FBRSL1: variants seen among roughly 807,000 people sequenced by gnomAD.
FBRSL1 encodes the protein fibrosin like 1.
FBRSL1 carries 51 observed loss-of-function variants against 89.6 expected under a neutral mutation model. That is an observed-to-expected ratio of 0.57 (90% CI 0.45 to 0.72). The LOEUF (loss-of-function observed/expected upper bound fraction) is 0.72, where lower values mean the gene tolerates loss of function less well. FBRSL1 is among the 30% of genes least tolerant of loss of function. FBRSL1 has a pLI of 0.00. For synonymous variants in FBRSL1, 779 were observed against 681.1 expected, an observed-to-expected ratio of 1.14 and a Z score of -2.24; for missense variants, 1,618 against 1,451.8, an observed-to-expected ratio of 1.11 and a Z score of -1.86.
At chr12:132,512,788 G>T (rs2034484648) in intron 2 of FBRSL1, among the ~76,000 whole-genome samples, 1 of 152,242 alleles carries the variant, frequency 6.6e-6, no homozygotes, top group Admixed American at 6.5e-5. Flanking sequence ...GCCAGGGAGG[G>T]CTGAGGAGAG....
At chr12:132,567,404 T>G in intron 5 of FBRSL1, 77 bp from the exon 6 acceptor site, 1 of 1,420,160 alleles carries the variant, frequency 7.0e-7, no homozygotes, top group Non-Finnish European at 9.7e-7. Context: ...CCCAGACTTG[T>G]GTGTGGGCAT....
intron 5 of FBRSL1, among the ~76,000 whole-genome samples, chr12:132,566,628 C>T (rs534252483): frequency 1.3e-5 from 2 of 148,222 alleles, no homozygotes; most frequent in South Asian, 2.2e-4. Flanking sequence ...GCAATTTCTG[C>T]GATTGACCCT....
intron 5 of FBRSL1, among the ~76,000 whole-genome samples, chr12:132,549,635 C>T (rs2037982191): frequency 6.6e-6 from 1 of 152,230 alleles, no homozygotes. Flanking sequence ...GGCTCCCTCT[C>T]CCCTCCCCGC....
intron 2 of FBRSL1, chr12:132,509,435 G>T: frequency 1.6e-6 from 2 of 1,241,316 alleles, no homozygotes; most frequent in Non-Finnish European, 2.0e-6. Flanking sequence ...AGCCCTGCCG[G>T]CCCCAGCGGC....
At chr12:132,547,505 C>A (rs1445604692) in intron 4 of FBRSL1, among the ~76,000 whole-genome samples, 2 of 152,230 alleles carry the variant, frequency 1.3e-5, no homozygotes, top group African/African-American at 4.8e-5. Context: ...CCCAGGGGCT[C>A]CCAGGCTCTG....
At position 132,583,491 on chromosome 12, in the gene FBRSL1, C is replaced by G; in HGVS notation, c.2722C>G (p.Pro908Ala). The change falls in exon 19 of 19, where the codon CCG (proline) becomes GCG (alanine). Residue 908 changes from proline (P) to alanine (A), a missense_variant. By Grantham distance (27) the Pro-to-Ala change is conservative. Coordinates refer to ENST00000680143, the MANE Select transcript of FBRSL1 (RefSeq NM_001367871.1). ...LRGELERARA[P>A]HLPPAAPALD... ...CGGGGAGCTGGAGCGCGCGCGGGCC[C>G]CGCACCTGCCGCCCGCCGCCCCCGC... 9.5e-7 allele frequency: 1 copy of G among 1,047,156 alleles called. No individual in the cohort carries two copies. Among genetic ancestry groups the G allele is most frequent in the Non-Finnish European group, 1.2e-6 (1 of 869,312 alleles). The allele number at this position is 1,047,156 out of a possible 1,614,324, so 64.9% of individuals were successfully genotyped here. A position where few individuals can be genotyped will look rare whatever the true frequency, so the allele number is the denominator to read the frequency against.
chr12:132,578,844 A>G (rs1423475011), intron 15 of FBRSL1, among the ~76,000 whole-genome samples: 1 of 152,264 alleles, frequency 6.6e-6, no homozygotes, highest in African/African-American at 2.4e-5. Flanking sequence ...GGGCGTGCCC[A>G]GCAGCCACAT....
At chr12:132,522,081 G>A (rs757497517) in intron 2 of FBRSL1, among the ~76,000 whole-genome samples, 1 of 151,866 alleles carries the variant, frequency 6.6e-6, no homozygotes, top group Non-Finnish European at 1.5e-5. Context: ...GGGTCTCTGT[G>A]TGCAGCCGGC....
At chr12:132,503,773 C>G (rs1229544853) in intron 1 of FBRSL1, among the ~76,000 whole-genome samples, 1 of 152,214 alleles carries the variant, frequency 6.6e-6, no homozygotes, top group African/African-American at 2.4e-5. Flanking sequence ...GGTTTGCACA[C>G]AGACTGAACA....
At chr12:132,510,028 C>T in intron 2 of FBRSL1, 1 of 1,231,580 alleles carries the variant, frequency 8.1e-7, no homozygotes. Flanking sequence ...GTGGAAGCCC[C>T]AGAGCAGCCC....
In FBRSL1 at chr12:132,572,611, T is replaced by G; in HGVS notation, c.1519T>G (p.Phe507Val). 1 of 1,550,236 alleles carries G rather than the reference T, an allele frequency of 6.5e-7. No homozygotes were observed. Among genetic ancestry groups the G allele is most frequent in the Non-Finnish European group, 8.7e-7 (1 of 1,146,556 alleles). The change falls in exon 11 of 19, where the codon TTT becomes GTT. Residue 507 changes from phenylalanine to valine, a missense_variant. Phe to Val is a conservative substitution (Grantham distance 50). Coordinates refer to ENST00000680143, the MANE Select transcript of FBRSL1 (RefSeq NM_001367871.1). Reference protein sequence around the residue: ...PGPFGSLQGAFQPKTSSPIEV... With the variant: ...PGPFGSLQGAVQPKTSSPIEV... Reference sequence around the variant, plus strand: ...CCCCTTCGGGTCCCTGCAGGGCGCTTTTCAGCCTAAGGTACCGCTGCCCCT... The same window carrying G: ...CCCCTTCGGGTCCCTGCAGGGCGCTGTTCAGCCTAAGGTACCGCTGCCCCT...
In FBRSL1 at chr12:132,569,947, A is replaced by C; in HGVS notation, c.713A>C (p.Glu238Ala). 1 of 1,421,606 alleles carries C rather than the reference A, an allele frequency of 7.0e-7. No homozygotes were observed. The allele number at this position is 1,421,606 out of a possible 1,614,324, so 88.1% of individuals were successfully genotyped here. The change falls in exon 7 of 19, where the codon GAG becomes GCG. Residue 238 changes from glutamate to alanine, a missense_variant. Glu to Ala is a moderately radical substitution (Grantham distance 107). Coordinates refer to ENST00000680143, the MANE Select transcript of FBRSL1 (RefSeq NM_001367871.1). ...TDKGPALEKS[E>A]AKAGPVPKVS... ...GCAGGCCCAGCGCTTGAGAAGTCGG[A>C]GGCCAAGGCCGGGCCGGTGCCCAAG...
At chr12:132,498,286 A>G (rs2032387104) in intron 1 of FBRSL1, among the ~76,000 whole-genome samples, 1 of 152,132 alleles carries the variant, frequency 6.6e-6, no homozygotes, top group Admixed American at 6.5e-5. Flanking sequence ...ATGTGACAGC[A>G]GTCGGAATGT....
chr12:132,582,837 G>A (rs1421691099), intron 18 of FBRSL1, 134 bp from the exon 19 acceptor site: 2 of 644,792 alleles, frequency 3.1e-6, no homozygotes, highest in Non-Finnish European at 2.3e-6. Context: ...TGGGGGTGCG[G>A]GAGCTGTGGG....
Position 132,512,462 on chromosome 12 carries a change from C to T in FBRSL1, c.489+4112C>T, listed in dbSNP as rs1396725645. Among the ~76,000 whole-genome samples the T allele has an allele frequency of 5.9e-5, 9 of 152,382 alleles. 1 individual carries two copies. The highest frequency in any genetic ancestry group is 2.2e-4 in the African/African-American group (9 of 41,596). On this transcript the variant is annotated intron_variant, in intron 2 of 18. Coordinates refer to ENST00000680143, the MANE Select transcript of FBRSL1 (RefSeq NM_001367871.1). ...TGAGCTCCAGGCTGGACCTGGCACA[C>T]TTGGGGTGCGGGCTTGGAGGGCGGT...
In FBRSL1 at chr12:132,583,371, GCCGCCC is replaced by G; in HGVS notation, c.2610_2615del (p.Ala871_Pro872del). 2 of 1,105,338 alleles carry G rather than the reference GCCGCCC, an allele frequency of 1.8e-6. No individual in the cohort carries two copies. The highest frequency in any genetic ancestry group is 2.2e-6 in the Non-Finnish European group (2 of 905,570). 68.5% of individuals were successfully genotyped at this position (1,105,338 alleles called of 1,614,324 possible). ...GCTGCCACGTCGCGCCTTCCCCGCT[GCCGCCC>G]CCGCCCCGGGCTCCGCCGCCCTCTT... On this transcript the variant is annotated inframe_deletion, in exon 19 of 19. Transcript: ENST00000680143.
At chr12:132,514,028 G>A (rs891588943) in intron 2 of FBRSL1, among the ~76,000 whole-genome samples, 1 of 152,214 alleles carries the variant, frequency 6.6e-6, no homozygotes, top group Non-Finnish European at 1.5e-5. Flanking sequence ...CCCAGGCCCT[G>A]CCCTGCGTGT....
chr12:132,559,434 T>G (rs755864307), intron 5 of FBRSL1, among the ~76,000 whole-genome samples: 1 of 152,204 alleles, frequency 6.6e-6, no homozygotes, highest in Non-Finnish European at 1.5e-5. Context: ...CTCTGTCACC[T>G]ACGCTGAAGT....
At chr12:132,531,367 G>T (rs564724941) in intron 4 of FBRSL1, among the ~76,000 whole-genome samples, 2 of 152,206 alleles carry the variant, frequency 1.3e-5, no homozygotes, top group East Asian at 3.9e-4. Flanking sequence ...GTGTGTGGGC[G>T]TGTGTGTGCA....
Sources: allele counts gnomAD v4.1 joint callset (sites outside exome capture counted in the v4.1 genomes callset), GRCh38; gene constraint gnomAD v4.1.1; transcripts MANE v1.5; gene names NCBI Gene and HGNC (gene_info 2026-07-23, HGNC 2026-07-21).